RASSF3: variants seen among roughly 807,000 people sequenced by gnomAD.
The protein encoded by RASSF3 is Ras association domain family member 3.
In RASSF3, 19 loss-of-function variants were observed where a neutral mutation model predicts 19.9. The observed-to-expected ratio is 0.96, with a 90% CI of 0.67 to 1.40. The LOEUF (loss-of-function observed/expected upper bound fraction) is 1.40, where lower values mean the gene tolerates loss of function less well. RASSF3 is among the 40% of genes most tolerant of loss of function. The pLI is 0.00. For synonymous variants in RASSF3, 110 were observed against 104.2 expected, an observed-to-expected ratio of 1.06 and a Z score of -0.34; for missense variants, 306 against 289.8, an observed-to-expected ratio of 1.06 and a Z score of -0.41.
At chr12:64,585,089 T>A (rs1221126218) in intron 2 of RASSF3, among the ~76,000 whole-genome samples, 1 of 152,074 alleles carries the variant, frequency 6.6e-6, no homozygotes, top group Non-Finnish European at 1.5e-5. Context: ...TTTCACCATG[T>A]TGGCCAGGAT....
chr12:64,525,527 C>T (rs2136106484), intron 1 of RASSF3, among the ~76,000 whole-genome samples: 1 of 152,264 alleles, frequency 6.6e-6, no homozygotes, highest in Middle Eastern at 3.4e-3. Context: ...GGTCAGGCAG[C>T]TCTTCTCCTC....
In RASSF3 at chr12:64,695,109, G is replaced by A; in HGVS notation, c.*197G>A. The A allele has an allele frequency of 1.8e-6, 1 of 561,048 alleles. No homozygotes were observed. The highest frequency in any genetic ancestry group is 2.6e-5 in the South Asian group (1 of 38,344). The allele number at this position is 561,048 out of a possible 1,614,324, so 34.8% of individuals were successfully genotyped here. On this transcript the variant is annotated 3_prime_UTR_variant, in exon 5 of 5. Transcript: ENST00000542104. ...CCCATGTAAGGGACTCTGCAAGCTT[G>A]TTGTTCAGCACCGCAGTGTTACCTC...
intron 3 of RASSF3, among the ~76,000 whole-genome samples, chr12:64,690,974 C>T (rs1356607572): frequency 6.6e-6 from 1 of 151,990 alleles, no homozygotes; most frequent in Non-Finnish European, 1.5e-5. Context: ...GATTCTCCTG[C>T]CTCGGCCTCC....
chr12:64,530,603 G>GT (rs1868688385), upstream of RASSF3, among the ~76,000 whole-genome samples: 1 of 152,198 alleles, frequency 6.6e-6, no homozygotes, highest in South Asian at 2.1e-4. Flanking sequence ...TAGAATGGCT[G>GT]TGTCATATGG....
intron 2 of RASSF3, among the ~76,000 whole-genome samples, chr12:64,550,820 C>CAAAAAAAAAAAAAA (rs59308298): frequency 5.3e-5 from 4 of 75,894 alleles, no homozygotes; most frequent in African/African-American, 1.1e-4. Flanking sequence ...GACTCCATCT[C>CAAAAAAAAAAAAAA]AAAAAAAAAA....
At chr12:64,623,152 G>A (rs1870852810) in intron 1 of RASSF3, among the ~76,000 whole-genome samples, 1 of 151,926 alleles carries the variant, frequency 6.6e-6, no homozygotes, top group Non-Finnish European at 1.5e-5. Flanking sequence ...TGCTTGTTTC[G>A]AGGAATCTTT....
rs187309772 is a variant in RASSF3 at position 64,588,104 on chromosome 12, A to G, written c.294+46399A>G. Reference sequence around the variant, plus strand: ...CCCCCACAACCTTTTTTTTTGAGACATGGTCTCTGTCACCCAGGCTGGAGT... The same window carrying G: ...CCCCCACAACCTTTTTTTTTGAGACGTGGTCTCTGTCACCCAGGCTGGAGT... On this transcript the variant is annotated intron_variant, in intron 2 of 5. Transcript: ENST00000637125. Among the ~76,000 whole-genome samples, 66 of 152,066 alleles carry G rather than the reference A, an allele frequency of 4.3e-4. 1 individual carries two copies. In the South Asian group the frequency reaches 9.3e-3, roughly 22 times the overall value.
intron 2 of RASSF3, among the ~76,000 whole-genome samples, chr12:64,581,829 T>C (rs957046441): frequency 1.6e-4 from 23 of 145,534 alleles, no homozygotes; most frequent in African/African-American, 6.2e-4. Context: ...TCTTTTTAAA[T>C]CTGAAAACCT....
chr12:64,661,646 A>T (rs1009412220), intron 1 of RASSF3, among the ~76,000 whole-genome samples: 5 of 150,628 alleles, frequency 3.3e-5, no homozygotes, highest in Non-Finnish European at 7.4e-5. Flanking sequence ...CCTGGGTAAC[A>T]TAACAAGACC....
intron 1 of RASSF3, among the ~76,000 whole-genome samples, chr12:64,541,222 T>C (rs757514093): frequency 1.3e-5 from 2 of 151,480 alleles, no homozygotes; most frequent in African/African-American, 2.4e-5. Context: ...CTGGGCTCAA[T>C]AGATCCGCCC....
chr12:64,546,969 A>T (rs573806122), intron 2 of RASSF3, among the ~76,000 whole-genome samples: 5 of 152,152 alleles, frequency 3.3e-5, no homozygotes, highest in Non-Finnish European at 5.9e-5. Context: ...TTTGATATGG[A>T]GAGGACATTG....
chr12:64,535,810 C>T (rs1004292187), intron 1 of RASSF3, among the ~76,000 whole-genome samples: 18 of 151,590 alleles, frequency 1.2e-4, no homozygotes, highest in African/African-American at 4.1e-4. Flanking sequence ...GCCCCAGCCT[C>T]CCGAGTAGCT....
intron 2 of RASSF3, among the ~76,000 whole-genome samples, chr12:64,595,457 T>G (rs901426839): frequency 4.6e-5 from 7 of 152,166 alleles, no homozygotes; most frequent in African/African-American, 1.7e-4. Flanking sequence ...CACCTGGAAG[T>G]CCAAAACCAC....
intron 2 of RASSF3, among the ~76,000 whole-genome samples, chr12:64,596,315 T>C (rs1869998581): frequency 6.6e-6 from 1 of 152,242 alleles, no homozygotes; most frequent in South Asian, 2.1e-4. Context: ...GCTAGTTGAT[T>C]TTTTGGCAAA....
At chr12:64,652,395 T>C (rs1337723397) in intron 1 of RASSF3, among the ~76,000 whole-genome samples, 3 of 151,714 alleles carry the variant, frequency 2.0e-5, no homozygotes, top group Non-Finnish European at 4.4e-5. Context: ...TGCAAAGGTG[T>C]TTTTTTCTCC....
At chr12:64,529,179 G>A (rs1004086710), upstream of RASSF3, among the ~76,000 whole-genome samples, 1 of 152,174 alleles carries the variant, frequency 6.6e-6, no homozygotes, top group Non-Finnish European at 1.5e-5. Context: ...GACCTTAAAT[G>A]TCTTTTCTAA....
intron 1 of RASSF3, among the ~76,000 whole-genome samples, chr12:64,619,651 C>T (rs939239374): frequency 1.3e-5 from 2 of 152,046 alleles, no homozygotes; most frequent in East Asian, 1.9e-4. Flanking sequence ...TTGGAGTTAA[C>T]GGACTTAGAA....
intron 4 of RASSF3, among the ~76,000 whole-genome samples, chr12:64,693,501 C>T (rs1425847263): frequency 6.6e-6 from 1 of 151,936 alleles, no homozygotes; most frequent in African/African-American, 2.4e-5. Context: ...TCACTGCAGC[C>T]TCAATCTCCC....
chr12:64,599,958 G>A (rs890929816), intron 2 of RASSF3, among the ~76,000 whole-genome samples: 1 of 149,874 alleles, frequency 6.7e-6, no homozygotes, highest in Admixed American at 6.8e-5. Context: ...CGTGAACCCA[G>A]GAGGCGGAGC....
Sources: allele counts gnomAD v4.1 joint callset (sites outside exome capture counted in the v4.1 genomes callset), GRCh38; gene constraint gnomAD v4.1.1; transcripts MANE v1.5; gene names NCBI Gene and HGNC (gene_info 2026-07-23, HGNC 2026-07-21).